The following FRMD4A variants were observed in gnomAD, a reference collection of about 807,000 sequenced individuals.
FRMD4A encodes the protein FERM domain-containing protein 4A.
FRMD4A carries 29 observed loss-of-function variants against 129.1 expected under a neutral mutation model. The ratio of observed to expected loss-of-function variants is 0.22; its 90% CI spans 0.17 to 0.31. FRMD4A has a LOEUF of 0.31. Among genes scored for constraint, FRMD4A ranks in the 10% least tolerant of loss-of-function variants. FRMD4A has a pLI of 1.00. For synonymous variants in FRMD4A, 634 were observed against 571.6 expected (o/e 1.11, Z -1.56); for missense variants, 1,272 against 1,375.8 (o/e 0.92, Z 1.19).
chr10:14,292,215 A>G (rs1845870155), intron 2 of FRMD4A, among the ~76,000 whole-genome samples: 1 of 152,232 alleles, frequency 6.6e-6, no homozygotes, highest in African/African-American at 2.4e-5. Flanking sequence ...CATAACTTGG[A>G]AGGAGGATTC....
chr10:14,286,361 T>C (rs967987090), intron 2 of FRMD4A, among the ~76,000 whole-genome samples: 4 of 152,186 alleles, frequency 2.6e-5, no homozygotes, highest in Non-Finnish European at 4.4e-5. Context: ...CCCGTGTCCC[T>C]CAGCAATATT....
chr10:13,799,209 G>A (rs552113128), intron 4 of FRMD4A, among the ~76,000 whole-genome samples: 1 of 152,208 alleles, frequency 6.6e-6, no homozygotes, highest in Non-Finnish European at 1.5e-5. Context: ...CCAGGCTGGA[G>A]TGCAGTGGTG....
At chr10:13,919,003 T>C (rs2095040692) in intron 2 of FRMD4A, among the ~76,000 whole-genome samples, 1 of 152,218 alleles carries the variant, frequency 6.6e-6, no homozygotes, top group African/African-American at 2.4e-5. Context: ...GGCTTCTTTC[T>C]AGAATTAGGA....
chr10:13,918,749 G>A (rs978339929), intron 2 of FRMD4A, among the ~76,000 whole-genome samples: 6 of 151,634 alleles, frequency 4.0e-5, no homozygotes, highest in African/African-American at 9.7e-5. Context: ...GGCTGGTCTC[G>A]AACTCCTGAC....
In FRMD4A at chr10:13,806,076, C is replaced by T. The variant is rs115929841; in HGVS notation, c.206+4738G>A. 5.4e-3 allele frequency among the ~76,000 whole-genome samples: 828 copies of T among 152,082 alleles called. 11 individuals carry two copies. The highest frequency in any genetic ancestry group is 0.017 in the African/African-American group (691 of 41,466). ...TTTTGCCATGTTGCCAGGGTGATCT[C>T]GAACTCCTGACCTCAAGTTATCTGC... On this transcript the variant is annotated intron_variant, in intron 4 of 24. Coordinates refer to ENST00000357447, the MANE Select transcript of FRMD4A (RefSeq NM_018027.5).
At chr10:14,102,289 G>C (rs1837347548) in intron 2 of FRMD4A, among the ~76,000 whole-genome samples, 1 of 152,186 alleles carries the variant, frequency 6.6e-6, no homozygotes, top group South Asian at 2.1e-4. Context: ...TACCTCGGGA[G>C]GCCAAGGCAG....
At chr10:14,329,061 C>G (rs1173379185) in intron 2 of FRMD4A, among the ~76,000 whole-genome samples, 3 of 152,160 alleles carry the variant, frequency 2.0e-5, no homozygotes, top group Non-Finnish European at 4.4e-5. Flanking sequence ...GGCTTGCCAC[C>G]CAGGGGGCAG....
intron 12 of FRMD4A, among the ~76,000 whole-genome samples, chr10:13,712,529 G>C (rs2088129534): frequency 6.6e-6 from 1 of 151,556 alleles, no homozygotes; most frequent in Admixed American, 6.6e-5. Context: ...AAAAAAAAGA[G>C]CAACAACAAA....
Position 13,654,658 on chromosome 10 carries a change from C to T in FRMD4A, c.2954-146G>A, listed in dbSNP as rs1589216537. On this transcript the variant is annotated intron_variant, in intron 22 of 24. Coordinates refer to ENST00000357447, the MANE Select transcript of FRMD4A (RefSeq NM_018027.5). ...TGGGAAGGACCCCAGAGCAGGGTCT[C>T]AGCATCCCTATGGCATGGTCACAGT... is the stretch of plus-strand genomic sequence containing the variant. The T allele has an allele frequency of 8.1e-6, 5 of 616,028 alleles. No individual in the cohort carries two copies. In the East Asian group the frequency reaches 1.4e-4, roughly 17 times the overall value. The allele number at this position is 616,028 out of a possible 1,614,324, so 38.2% of individuals were successfully genotyped here.
intron 4 of FRMD4A, among the ~76,000 whole-genome samples, 164 bp downstream of exon 4, chr10:13,810,650 T>C (rs1232070791): frequency 1.3e-5 from 2 of 152,224 alleles, no homozygotes; most frequent in Non-Finnish European, 2.9e-5. Context: ...GTACCAGGCA[T>C]GACCACAAGG....
chr10:13,958,699 C>A (rs12254276), intron 2 of FRMD4A, among the ~76,000 whole-genome samples: 40,562 of 151,164 alleles, frequency 0.27, 5,762 homozygotes, highest in Non-Finnish European at 0.31. Flanking sequence ...GATTCTCCTG[C>A]CTCAGCCTCC....
intron 3 of FRMD4A, among the ~76,000 whole-genome samples, chr10:13,845,927 T>G (rs2094038899): frequency 6.6e-6 from 1 of 152,238 alleles, no homozygotes; most frequent in Non-Finnish European, 1.5e-5. Flanking sequence ...TGCTGGAACC[T>G]GCTGGTCCTC....
intron 2 of FRMD4A, among the ~76,000 whole-genome samples, chr10:14,071,966 A>G (rs1019146923): frequency 6.6e-6 from 1 of 152,204 alleles, no homozygotes; most frequent in Non-Finnish European, 1.5e-5. Context: ...TGACTTTACT[A>G]CAAAGCACAG....
At chr10:13,705,139 C>T (rs1334404341) in intron 13 of FRMD4A, among the ~76,000 whole-genome samples, 1 of 152,146 alleles carries the variant, frequency 6.6e-6, no homozygotes, top group African/African-American at 2.4e-5. Flanking sequence ...GGAAGAAGAC[C>T]CTGCCTCCGA....
chr10:13,867,712 C>CATATAATATAATATATAAT (rs2094387894), intron 2 of FRMD4A, among the ~76,000 whole-genome samples: 1 of 3,498 alleles, frequency 2.9e-4, no homozygotes, highest in African/African-American at 3.9e-4. Context: ...TAATAAATAA[C>CATATAATATAATATATAAT]ATATAATATA....
chr10:13,837,893 A>G (rs536559667), intron 3 of FRMD4A, among the ~76,000 whole-genome samples: 12 of 152,154 alleles, frequency 7.9e-5, no homozygotes, highest in Non-Finnish European at 1.3e-4. Context: ...TTCTGATGAC[A>G]TGACAGCAAT....
At chr10:13,971,534 T>C (rs906529183) in intron 2 of FRMD4A, 17 of 505,046 alleles carry the variant, frequency 3.4e-5, no homozygotes, top group African/African-American at 3.2e-4. Context: ...AACTGCTCCC[T>C]GTTAAATGTA....
rs77610224 is a variant in FRMD4A, at chr10:13,848,571, C to G, written c.111+10276G>C. Among the ~76,000 whole-genome samples, 117 of 151,986 alleles carry G rather than the reference C, an allele frequency of 7.7e-4. 4 individuals carry two copies. In the East Asian group the frequency reaches 0.021, roughly 27 times the overall value. Reference sequence around the variant, plus strand: ...GGAGATGGGGATGGTCTCTTCTCCTCTCCTCAACCAGCACCTGGGTGTGAG... The same window carrying G: ...GGAGATGGGGATGGTCTCTTCTCCTGTCCTCAACCAGCACCTGGGTGTGAG... On this transcript the variant is annotated intron_variant, in intron 3 of 24. Coordinates refer to ENST00000357447, the MANE Select transcript of FRMD4A (RefSeq NM_018027.5).
chr10:13,697,559 T>A (rs1379949700), intron 14 of FRMD4A, among the ~76,000 whole-genome samples: 1 of 152,148 alleles, frequency 6.6e-6, no homozygotes, highest in Admixed American at 6.5e-5. Flanking sequence ...AAGTCAGGTC[T>A]CTGGGCTGAC....
Sources: allele counts gnomAD v4.1 joint callset (sites outside exome capture counted in the v4.1 genomes callset), GRCh38; gene constraint gnomAD v4.1.1; transcripts MANE v1.5; gene names NCBI Gene and HGNC (gene_info 2026-07-23, HGNC 2026-07-21).